KLHL14: variants seen among roughly 807,000 people sequenced by gnomAD.
KLHL14 encodes the protein kelch-like protein 14.
A neutral mutation model predicts 64.3 loss-of-function variants in KLHL14; 22 were observed. The observed-to-expected ratio is 0.34, with a 90% CI of 0.24 to 0.49. KLHL14 has a LOEUF of 0.49. Ranked by LOEUF, KLHL14 falls within the 20% of genes least tolerant of loss-of-function variation. The pLI, the probability that KLHL14 is intolerant of heterozygous loss-of-function variation, is 0.99. For synonymous variants in KLHL14, 322 were observed against 333.4 expected, an observed-to-expected ratio of 0.97 and a Z score of 0.37; for missense variants, 661 against 789.0, an observed-to-expected ratio of 0.84 and a Z score of 1.94.
chr18:32,764,530 A>C (rs1386860029), intron 2 of KLHL14, among the ~76,000 whole-genome samples: 1 of 151,748 alleles, frequency 6.6e-6, no homozygotes, highest in African/African-American at 2.4e-5. Flanking sequence ...AGCCTAGTAC[A>C]TGGGTTGGCA....
chr18:32,763,660 C>T (rs920439530), intron 2 of KLHL14, among the ~76,000 whole-genome samples: 1 of 152,118 alleles, frequency 6.6e-6, no homozygotes, highest in Admixed American at 6.5e-5. Flanking sequence ...TATTATTGGC[C>T]AACAACAGGT....
At chr18:32,699,309 T>C (rs1337704395) in intron 3 of KLHL14, among the ~76,000 whole-genome samples, 1 of 152,192 alleles carries the variant, frequency 6.6e-6, no homozygotes. Context: ...ATCTATATTA[T>C]AGCTTTGAAA....
intron 3 of KLHL14, among the ~76,000 whole-genome samples, chr18:32,727,015 G>C (rs1241062150): frequency 6.6e-6 from 1 of 152,190 alleles, no homozygotes; most frequent in African/African-American, 2.4e-5. Context: ...GCAGCCTTTG[G>C]AGAAAGAATT....
At chr18:32,772,028 C>T (rs998258182) in intron 1 of KLHL14, 1 of 247,358 alleles carries the variant, frequency 4.0e-6, no homozygotes, top group Non-Finnish European at 8.0e-6. Flanking sequence ...TACGCCAGGT[C>T]CTTAACCTGT....
intron 2 of KLHL14, among the ~76,000 whole-genome samples, chr18:32,749,101 A>C (rs532721944): frequency 2.0e-5 from 3 of 152,286 alleles, no homozygotes; most frequent in African/African-American, 7.2e-5. Flanking sequence ...TTGTACTTCA[A>C]TTGTTTTGAT....
At chr18:32,675,336 T>A (rs754529698) in intron 8 of KLHL14, among the ~76,000 whole-genome samples, 6 of 152,108 alleles carry the variant, frequency 3.9e-5, no homozygotes, top group Non-Finnish European at 8.8e-5. Context: ...CAGAGTAAGA[T>A]CTTGGCTTAA....
chr18:32,742,272 T>A (rs1165006661), intron 2 of KLHL14, among the ~76,000 whole-genome samples: 2 of 151,318 alleles, frequency 1.3e-5, no homozygotes, highest in African/African-American at 4.8e-5. Context: ...AAGCTCCCTT[T>A]ATGCAATTTG....
intron 5 of KLHL14, among the ~76,000 whole-genome samples, chr18:32,686,177 ATTTTTTTTTTTTTTT>A: frequency 9.3e-6 from 1 of 107,650 alleles, no homozygotes; most frequent in Non-Finnish European, 1.8e-5. Flanking sequence ...GTGCCCGGCT[ATTTTTTTTTTTTTTT>A]TTTTTTTTTG....
At chr18:32,763,427 G>A (rs1363998392) in intron 2 of KLHL14, among the ~76,000 whole-genome samples, 1 of 151,836 alleles carries the variant, frequency 6.6e-6, no homozygotes, top group Admixed American at 6.6e-5. Flanking sequence ...TTTGTCTTTT[G>A]TAAATGCCAC....
chr18:32,752,644 CAGA>C (rs1262902005), intron 2 of KLHL14, among the ~76,000 whole-genome samples: 1 of 152,194 alleles, frequency 6.6e-6, no homozygotes, highest in African/African-American at 2.4e-5. Flanking sequence ...ATCAGTACAA[CAGA>C]AGACTTTCAT....
chr18:32,720,651 C>T (rs2050073972), intron 3 of KLHL14, among the ~76,000 whole-genome samples: 1 of 151,744 alleles, frequency 6.6e-6, no homozygotes, highest in Non-Finnish European at 1.5e-5. Flanking sequence ...GGATGACATG[C>T]GGCCAAACAC....
At chr18:32,724,959 T>C (rs2050100359) in intron 3 of KLHL14, among the ~76,000 whole-genome samples, 2 of 152,026 alleles carry the variant, frequency 1.3e-5, no homozygotes, top group African/African-American at 4.8e-5. Flanking sequence ...AAGTGCTCAA[T>C]TAAAATGTTC....
At chr18:32,709,138 A>G (rs2050005488) in intron 3 of KLHL14, among the ~76,000 whole-genome samples, 2 of 152,200 alleles carry the variant, frequency 1.3e-5, no homozygotes, top group African/African-American at 4.8e-5. Context: ...CAAAGATCAC[A>G]CGGCCTGGCC....
chr18:32,695,455 A>T lies in KLHL14; in HGVS notation c.1159+8T>A. The T allele has an allele frequency of 6.3e-7, 1 of 1,585,070 alleles. No homozygotes were observed. Among genetic ancestry groups the T allele is most frequent in the South Asian group, 1.1e-5 (1 of 90,394 alleles). ...TGAGCACCTCCAATTAAGTTGTTCA[A>T]TAGTTACCATTCGGATTCCACTGGT... On this transcript the variant is annotated splice_region_variant and intron_variant, in intron 4 of 8. Coordinates refer to ENST00000359358, the MANE Select transcript of KLHL14 (RefSeq NM_020805.3).
intron 3 of KLHL14, among the ~76,000 whole-genome samples, chr18:32,721,286 G>A (rs2050078462): frequency 6.6e-6 from 1 of 152,170 alleles, no homozygotes; most frequent in South Asian, 2.1e-4. Context: ...GTAGTCTGCA[G>A]AGAACCCTTC....
At chr18:32,701,583 C>T (rs2049966545) in intron 3 of KLHL14, among the ~76,000 whole-genome samples, 1 of 152,054 alleles carries the variant, frequency 6.6e-6, no homozygotes, top group Admixed American at 6.6e-5. Flanking sequence ...GGATTTTATG[C>T]TAAGCATGAT....
Position 32,748,894 on chromosome 18 carries a change from A to G in KLHL14, c.948-6845T>C, listed in dbSNP as rs62092114. On this transcript the variant is annotated intron_variant, in intron 2 of 8. Coordinates refer to ENST00000359358, the MANE Select transcript of KLHL14 (RefSeq NM_020805.3). ...GAATTAAAAGATATAATATATGTAA[A>G]GCATTTAAAACAGTGCTAAATAAAT... 1.6e-3 allele frequency among the ~76,000 whole-genome samples: 249 copies of G among 152,342 alleles called. 1 individual carries two copies. Among genetic ancestry groups the G allele is most frequent in the South Asian group, 3.5e-3 (17 of 4,826 alleles).
intron 3 of KLHL14, among the ~76,000 whole-genome samples, chr18:32,700,127 A>G (rs958388413): frequency 6.6e-6 from 1 of 152,136 alleles, no homozygotes. Flanking sequence ...AACCTCTTCC[A>G]GCAGAAAGTA....
chr18:32,700,931 A>G (rs537861044), intron 3 of KLHL14, among the ~76,000 whole-genome samples: 54 of 152,260 alleles, frequency 3.5e-4, no homozygotes, highest in African/African-American at 1.2e-3. Context: ...AAGAATAGCA[A>G]GTGCAAAGAC....
Sources: allele counts gnomAD v4.1 joint callset (sites outside exome capture counted in the v4.1 genomes callset), GRCh38; gene constraint gnomAD v4.1.1; transcripts MANE v1.5; gene names NCBI Gene and HGNC (gene_info 2026-07-23, HGNC 2026-07-21).